Variants in SSBP4 observed in about 807,000 individuals in gnomAD.
SSBP4 encodes single stranded DNA binding protein 4.
Under a neutral mutation model 64.6 loss-of-function variants are expected in SSBP4, and 33 were observed. That is an observed-to-expected ratio of 0.51 (90% CI 0.39 to 0.68). SSBP4 has a LOEUF of 0.68. Ranked by LOEUF, SSBP4 falls within the 30% of genes least tolerant of loss-of-function variation. SSBP4 has a pLI of 0.00. For missense variants in SSBP4, 583 were observed against 566.8 expected, an observed-to-expected ratio of 1.03 and a Z score of -0.29; for synonymous variants, 243 against 224.0, an observed-to-expected ratio of 1.08 and a Z score of -0.76.
At chr19:18,420,314 T>C (rs1972352409) in intron 1 of SSBP4, among the ~76,000 whole-genome samples, 1 of 152,044 alleles carries the variant, frequency 6.6e-6, no homozygotes, top group Non-Finnish European at 1.5e-5. Flanking sequence ...AGCCGCTCTC[T>C]TGATACCACT....
Position 18,427,434 on chromosome 19 carries a change from A to G in SSBP4, c.132+11A>G, listed in dbSNP as rs1450737116. 5 of 1,608,012 alleles carry G rather than the reference A, an allele frequency of 3.1e-6. No homozygotes were observed. The highest frequency in any genetic ancestry group is 2.2e-5 in the South Asian group (2 of 90,954). On this transcript the variant is annotated intron_variant, in intron 2 of 17. Transcript: ENST00000270061. This position sits in a 1 kb window ranked among gnomAD's most constrained non-coding sequence, Gnocchi z 4.4. ...ACCTTCCTGTCTGAGGTAAGCCACC[A>G]CCTCCAGGCTGGCCCTCCCTCCTCA...
At chr19:18,432,943 C>T (rs1157597912) in intron 13 of SSBP4, 30 bp from the exon 14 acceptor site, 1 of 1,614,086 alleles carries the variant, frequency 6.2e-7, no homozygotes, top group Non-Finnish European at 8.5e-7. Flanking sequence ...GAAACCCCGT[C>T]ACACCTGGCA....
the SSBP4 span, among the ~76,000 whole-genome samples, chr19:18,410,996 C>T: frequency 6.6e-6 from 1 of 152,102 alleles, no homozygotes. Context: ...AAATTTCGGC[C>T]GGGCGCGGTG....
At position 18,419,449 on chromosome 19, in the gene SSBP4, C is replaced by A; in HGVS notation, c.-200C>A. 9.5e-7 allele frequency: 1 copy of A among 1,057,024 alleles called. No individual in the cohort carries two copies. Among genetic ancestry groups the A allele is most frequent in the African/African-American group, 1.7e-5 (1 of 58,538 alleles). 65.5% of individuals were successfully genotyped at this position (1,057,024 alleles called of 1,614,324 possible). A position where few individuals can be genotyped will look rare whatever the true frequency, so the allele number is the denominator to read the frequency against. ...AAAGGGAGGAAAAAAAGCCACCCTG[C>A]GGCCGGGGCCGGAGCTGGAGCCGCC... On this transcript the variant is annotated 5_prime_UTR_variant, in exon 1 of 18. Transcript: ENST00000270061.
chr19:18,434,170 C>T lies in SSBP4; in HGVS notation c.1129-47C>T, dbSNP rs199954151. 3.4e-5 allele frequency: 54 copies of T among 1,608,616 alleles called. No homozygotes were observed. In the East Asian group the frequency reaches 1.2e-3, roughly 36 times the overall value. ...CCTGGGGGCGGGTCCCAGCCTCTTCCGGAGCTGAACTCGGCCCCTGCGCGC... is the reference window on the plus strand; with the variant it reads ...CCTGGGGGCGGGTCCCAGCCTCTTCTGGAGCTGAACTCGGCCCCTGCGCGC... On this transcript the variant is annotated intron_variant, in intron 17 of 17. Transcript: ENST00000270061.
rs1255793954 is a variant in SSBP4 at position 18,433,159 on chromosome 19, G to T, written c.937G>T (p.Gly313Cys). ...GTTCCCGCTCGGCCCTGGCCCGGAGGGCCCCATGGCCGCCATGAGCGCGAT... is the reference window on the plus strand; with the variant it reads ...GTTCCCGCTCGGCCCTGGCCCGGAGTGCCCCATGGCCGCCATGAGCGCGAT... ...ANFPLGPGPE[G>C]PMAAMSAMEP... Residue 313 changes from glycine to cysteine, a missense_variant, in exon 15 of 18, where the codon GGC (glycine) becomes TGC (cysteine). Transcript: ENST00000270061. The T allele has an allele frequency of 1.3e-6, 2 of 1,597,896 alleles. No homozygotes were observed. Among genetic ancestry groups the T allele is most frequent in the South Asian group, 1.1e-5 (1 of 89,624 alleles).
chr19:18,402,968 C>T, the SSBP4 span, among the ~76,000 whole-genome samples: 72 of 152,312 alleles, frequency 4.7e-4, no homozygotes, highest in Middle Eastern at 3.4e-3. Context: ...TGTCTCCTGC[C>T]TGCCCCTGGG....
intron 1 of SSBP4, among the ~76,000 whole-genome samples, chr19:18,424,235 C>T (rs1972673676): frequency 6.6e-6 from 1 of 152,232 alleles, no homozygotes; most frequent in Non-Finnish European, 1.5e-5. Flanking sequence ...TCAGTACTTA[C>T]CCCATGGTTC....
At chr19:18,406,662 T>TA in the SSBP4 span, among the ~76,000 whole-genome samples, 39 of 146,644 alleles carry the variant, frequency 2.7e-4, no homozygotes, top group East Asian at 4.0e-4. Flanking sequence ...AAATATAAAT[T>TA]AAAAAAAAAA....
At chr19:18,415,306 C>T (rs1301999336), upstream of SSBP4, among the ~76,000 whole-genome samples, 1 of 152,202 alleles carries the variant, frequency 6.6e-6, no homozygotes, top group Non-Finnish European at 1.5e-5. Context: ...GGGCCCCCCA[C>T]TTTAATGAGG....
At position 18,433,616 on chromosome 19, in the gene SSBP4, A is replaced by G. The variant is rs1973692366; in HGVS notation, c.1020+3A>G. 2 of 1,396,066 alleles carry G rather than the reference A, an allele frequency of 1.4e-6. No homozygotes were observed. The highest frequency in any genetic ancestry group is 3.9e-5 in the East Asian group (1 of 25,576). The allele number at this position is 1,396,066 out of a possible 1,614,324, so 86.5% of individuals were successfully genotyped here. A position where few individuals can be genotyped will look rare whatever the true frequency, so the allele number is the denominator to read the frequency against. ...GCGACATGGACGGGTTGCCGAAGGTAAGGAGGCTGCGCTCTTGCCGGGGGT... is the reference window on the plus strand; with the variant it reads ...GCGACATGGACGGGTTGCCGAAGGTGAGGAGGCTGCGCTCTTGCCGGGGGT... On this transcript the variant is annotated splice_donor_region_variant and intron_variant, in intron 16 of 17. Transcript: ENST00000270061.
At chr19:18,425,733 G>A (rs1268363600) in intron 1 of SSBP4, among the ~76,000 whole-genome samples, 2 of 152,118 alleles carry the variant, frequency 1.3e-5, no homozygotes, top group Non-Finnish European at 2.9e-5. Flanking sequence ...ACCATTGGGC[G>A]CTGTGTGTCC....
intron 4 of SSBP4, among the ~76,000 whole-genome samples, chr19:18,429,936 AG>A (rs1184913077): frequency 5.4e-4 from 82 of 152,118 alleles, no homozygotes; most frequent in African/African-American, 1.9e-3. Context: ...TCCTCTAGGC[AG>A]GGGGCCCCTT....
chr19:18,433,423 G>C, intron 15 of SSBP4, 162 bp from the exon 16 acceptor site: 3 of 1,353,896 alleles, frequency 2.2e-6, no homozygotes, highest in Non-Finnish European at 3.0e-6. Flanking sequence ...CTCCCCCCCA[G>C]GCCCAACCCT....
intron 4 of SSBP4, 125 bp downstream of exon 4, chr19:18,428,107 G>A (rs1972996874): frequency 2.1e-5 from 23 of 1,101,856 alleles, no homozygotes; most frequent in Non-Finnish European, 3.0e-5. Flanking sequence ...GTTTGGGGTT[G>A]ACAGGCAGAG....
At chr19:18,434,184 G>A in intron 17 of SSBP4, 33 bp from the exon 18 acceptor site, 1 of 1,609,712 alleles carries the variant, frequency 6.2e-7, no homozygotes, top group Non-Finnish European at 8.5e-7. Flanking sequence ...GCTGAACTCG[G>A]CCCCTGCGCG....
At chr19:18,432,677 C>A in intron 11 of SSBP4, 23 bp from the exon 12 acceptor site, 1 of 1,562,990 alleles carries the variant, frequency 6.4e-7, no homozygotes, top group Admixed American at 1.8e-5. Flanking sequence ...TGGCTGACTG[C>A]TCACAGCTGC....
At chr19:18,428,033 G>A in intron 4 of SSBP4, 51 bp downstream of exon 4, 1 of 1,574,320 alleles carries the variant, frequency 6.4e-7, no homozygotes, top group Non-Finnish European at 8.6e-7. Context: ...AGGTGTGCTG[G>A]GCCTGTGGCT....
rs1373928044 is a variant in SSBP4 at position 18,430,938 on chromosome 19, C to T, written c.369+8C>T. The stretch of plus-strand genomic sequence containing the variant: ...GCGGCTGGCTTCTTCCAGGTATGGC[C>T]CCGGCTGGAGTCCACTGGCCCCCAA... On this transcript the variant is annotated splice_region_variant and intron_variant, in intron 5 of 17. Coordinates refer to ENST00000270061, the MANE Select transcript of SSBP4 (RefSeq NM_032627.5). 6.2e-7 allele frequency: 1 copy of T among 1,611,144 alleles called. No individual in the cohort carries two copies. Among genetic ancestry groups the T allele is most frequent in the East Asian group, 2.2e-5 (1 of 44,848 alleles).
Sources: allele counts gnomAD v4.1 joint callset (sites outside exome capture counted in the v4.1 genomes callset), GRCh38; gene constraint gnomAD v4.1.1; non-coding constraint Gnocchi (gnomAD v3.1); transcripts MANE v1.5; gene names NCBI Gene and HGNC (gene_info 2026-07-23, HGNC 2026-07-21).